The following HERC3 variants were observed in gnomAD, a reference collection of about 807,000 sequenced individuals.
HERC3 encodes HECT and RLD domain containing E3 ubiquitin protein ligase 3, also known as probable E3 ubiquitin-protein ligase HERC3.
A neutral mutation model predicts 129.9 loss-of-function variants in HERC3; 58 were observed. That is an observed-to-expected ratio of 0.45 (90% CI 0.36 to 0.56). The LOEUF (loss-of-function observed/expected upper bound fraction) is 0.56. HERC3 is among the 20% of genes least tolerant of loss of function. The probability of loss-of-function intolerance (pLI) is 0.00; values close to 1 mark genes in which losing one functional copy is unlikely to be tolerated. For missense variants in HERC3, 835 were observed against 1,244.2 expected (o/e 0.67, Z 4.95); for synonymous variants, 430 against 451.0 (o/e 0.95, Z 0.59).
intron 2 of HERC3, 107 bp from the exon 3 acceptor site, chr4:88,605,688 G>T (rs949566418): frequency 1.6e-6 from 1 of 608,500 alleles, no homozygotes; most frequent in Admixed American, 3.0e-5. Context: ...GATATCTGAA[G>T]AATATTAAGG....
chr4:88,548,413 C>T, the HERC3 span, among the ~76,000 whole-genome samples: 1 of 152,078 alleles, frequency 6.6e-6, no homozygotes, highest in African/African-American at 2.4e-5. Flanking sequence ...TATGGTATCT[C>T]CATGTGCTTT....
chr4:88,618,849 G>A (rs543228707), intron 3 of HERC3, among the ~76,000 whole-genome samples: 1 of 152,152 alleles, frequency 6.6e-6, no homozygotes, highest in Non-Finnish European at 1.5e-5. Flanking sequence ...GATATTTTGG[G>A]TCAGAAAACA....
Position 88,704,152 on chromosome 4 carries a change from A to G in HERC3, c.2712A>G (p.Glu904=), listed in dbSNP as rs1437437937. The G allele has an allele frequency of 3.1e-6, 5 of 1,614,154 alleles. No individual in the cohort carries two copies. Among genetic ancestry groups the G allele is most frequent in the Middle Eastern group, 1.6e-4 (1 of 6,062 alleles). The change falls in exon 24 of 26, where the codon GAA becomes GAG. Residue 904 remains glutamate (E), a synonymous_variant. Coordinates refer to ENST00000402738, the MANE Select transcript of HERC3 (RefSeq NM_014606.3). The part of the protein sequence containing the change: ...VNYVFQISVH[E]WYTAFSSGFL... ...ATGTCTTCCAAATCTCAGTTCATGA[A>G]TGGTACACAGCCTTCTCTAGTGGCT...
the HERC3 span, among the ~76,000 whole-genome samples, chr4:88,571,523 G>A: frequency 1.6e-3 from 243 of 152,246 alleles, no homozygotes; most frequent in Non-Finnish European, 3.1e-3. Context: ...CCCAGATCCT[G>A]GAAGGACAGA....
the HERC3 span, among the ~76,000 whole-genome samples, chr4:88,555,256 C>T: frequency 7.0e-6 from 1 of 143,276 alleles, no homozygotes; most frequent in African/African-American, 2.7e-5. Context: ...GCACTCCAGC[C>T]TGGTGACAGA....
the HERC3 span, among the ~76,000 whole-genome samples, chr4:88,561,527 T>A: frequency 6.6e-6 from 1 of 152,160 alleles, no homozygotes; most frequent in Admixed American, 6.5e-5. Flanking sequence ...CCAATTATAT[T>A]CTTTTGGTTA....
At chr4:88,591,872 C>G (rs1264568520), upstream of HERC3, among the ~76,000 whole-genome samples, 2 of 152,158 alleles carry the variant, frequency 1.3e-5, no homozygotes, top group Non-Finnish European at 2.9e-5. Context: ...CAGCCTCCCC[C>G]AGGCCCGCCT....
In HERC3 at chr4:88,681,179, G is replaced by T. The variant is rs1732735893; in HGVS notation, c.2361G>T (p.Trp787Cys). 6.2e-7 allele frequency: 1 copy of T among 1,612,202 alleles called. No individual in the cohort carries two copies. The highest frequency in any genetic ancestry group is 8.5e-7 in the Non-Finnish European group (1 of 1,179,544). Residue 787 changes from tryptophan (W) to cysteine (C), a missense_variant, in exon 21 of 26, where the codon TGG becomes TGT. Physicochemically the swap from Trp to Cys is radical, Grantham distance 215 (BLOSUM62 -2). Coordinates refer to ENST00000402738, the MANE Select transcript of HERC3 (RefSeq NM_014606.3). The part of the protein sequence containing the change: ...FSDTCFVEHN[W>C]FHLIGITCGL... ...AAAAGTGTTTTGTAGAGCACAACTG[G>T]TTTCACTTGATTGGTATAACCTGTG...
At chr4:88,532,213 A>AT in the HERC3 span, among the ~76,000 whole-genome samples, 154 of 152,244 alleles carry the variant, frequency 1.0e-3, no homozygotes, top group African/African-American at 3.6e-3. Context: ...AAAACAGGAG[A>AT]TTTATTACAG....
rs905845089 is a variant in HERC3, at chr4:88,650,292, A to G, written c.386+293A>G. ...TGTTTGAATAAAAAAGACATCTTTC[A>G]CATCGTAGGCTTATTAACCTTCAAC... On this transcript the variant is annotated intron_variant, in intron 4 of 25. Coordinates refer to ENST00000402738, the MANE Select transcript of HERC3 (RefSeq NM_014606.3). Among the ~76,000 whole-genome samples the G allele has an allele frequency of 4.1e-4, 62 of 152,214 alleles. 2 individuals are homozygous for G. The highest frequency in any genetic ancestry group is 5.9e-5 in the Non-Finnish European group (4 of 68,042).
chr4:88,653,121 G>C (rs1444793871), intron 6 of HERC3, 31 bp downstream of exon 6: 2 of 1,599,056 alleles, frequency 1.3e-6, no homozygotes, highest in Non-Finnish European at 1.7e-6. Flanking sequence ...TATGTATTTA[G>C]TTTAAAAGCA....
the HERC3 span, among the ~76,000 whole-genome samples, chr4:88,524,375 G>C: frequency 1.3e-5 from 2 of 152,234 alleles, no homozygotes; most frequent in Non-Finnish European, 2.9e-5. Context: ...GAGGCCGCAA[G>C]GGGCCTAAAT....
At position 88,655,892 on chromosome 4, in the gene HERC3, T is replaced by G; in HGVS notation, c.926T>G (p.Phe309Cys). The G allele has an allele frequency of 6.2e-7, 1 of 1,612,880 alleles. No individual in the cohort carries two copies. Among genetic ancestry groups the G allele is most frequent in the Non-Finnish European group, 8.5e-7 (1 of 1,179,084 alleles). ...TTTCACAGACAACATACCCTAGCCT[T>G]CGTGCCTTCTTCTGGACTCATCTAT... ...IACGRQHTLAFVPSSGLIYAF... is the reference protein window; with the variant it reads ...IACGRQHTLACVPSSGLIYAF... The change falls in exon 9 of 26, where the codon TTC (phenylalanine) becomes TGC (cysteine). Residue 309 changes from phenylalanine to cysteine, a missense_variant. Phe to Cys is a radical substitution (Grantham distance 205). Coordinates refer to ENST00000402738, the MANE Select transcript of HERC3 (RefSeq NM_014606.3).
In HERC3 at chr4:88,645,222, C is replaced by T. The variant is rs867046595; in HGVS notation, c.227-4618C>T. On this transcript the variant is annotated intron_variant, in intron 3 of 25. Transcript: ENST00000402738. ...AAAGATGTGCAGGAGGGTAAGAGTT[C>T]GGTGGGAACAGGAAATCAAGAGTTA... 7.9e-5 allele frequency among the ~76,000 whole-genome samples: 12 copies of T among 151,978 alleles called. No homozygotes were observed. In the East Asian group the frequency reaches 1.2e-3, roughly 15 times the overall value.
chr4:88,658,560 T>C (rs556558702), intron 10 of HERC3, 69 bp downstream of exon 10: 125 of 785,096 alleles, frequency 1.6e-4, no homozygotes, highest in Non-Finnish European at 2.5e-4. Context: ...TTTTAACAAG[T>C]AATTACAACA....
chr4:88,557,898 C>T, the HERC3 span, among the ~76,000 whole-genome samples: 1 of 151,100 alleles, frequency 6.6e-6, no homozygotes, highest in Non-Finnish European at 1.5e-5. Context: ...AAATTTTTCT[C>T]GTCTCTACTA....
chr4:88,594,548 C>T (rs926611675), intron 1 of HERC3, among the ~76,000 whole-genome samples: 1 of 152,094 alleles, frequency 6.6e-6, no homozygotes, highest in East Asian at 1.9e-4. Flanking sequence ...GGACCACAGG[C>T]GTGCACCACC....
the HERC3 span, among the ~76,000 whole-genome samples, chr4:88,536,943 G>C: frequency 1.3e-5 from 2 of 152,010 alleles, no homozygotes; most frequent in African/African-American, 2.4e-5. Context: ...ATAAAAATAC[G>C]ACCAAGAATT....
chr4:88,565,880 A>G, the HERC3 span, among the ~76,000 whole-genome samples: 1 of 151,966 alleles, frequency 6.6e-6, no homozygotes, highest in African/African-American at 2.4e-5. Context: ...CCTTTTAGTG[A>G]AGGTGATTTT....
Sources: gnomAD v4.1 joint callset for allele counts (sites outside exome capture counted in the v4.1 genomes callset) on GRCh38, gnomAD v4.1.1 for gene constraint, MANE v1.5 for transcripts, NCBI Gene and HGNC (gene_info 2026-07-23, HGNC 2026-07-21) for gene names.